CDK14: variants seen among roughly 807,000 people sequenced by gnomAD.
CDK14 encodes cyclin-dependent kinase 14.
CDK14 carries 34 observed loss-of-function variants against 60.7 expected under a neutral mutation model. That is an observed-to-expected ratio of 0.56 (90% CI 0.43 to 0.75). The LOEUF (loss-of-function observed/expected upper bound fraction) is 0.75. CDK14 is among the 30% of genes least tolerant of loss of function. CDK14 has a pLI of 0.00. For synonymous variants in CDK14, 197 were observed against 203.7 expected, an observed-to-expected ratio of 0.97 and a Z score of 0.28; for missense variants, 482 against 564.1, an observed-to-expected ratio of 0.85 and a Z score of 1.47.
chr7:90,631,846 A>G (rs1800004211), intron 2 of CDK14: 1 of 152,288 alleles, frequency 6.6e-6, no homozygotes, highest in Non-Finnish European at 1.5e-5. Context: ...GGCACTGGAA[A>G]AAGGTCACTG....
intron 2 of CDK14, among the ~76,000 whole-genome samples, chr7:90,683,025 T>TA (rs1801352745): frequency 1.3e-5 from 2 of 152,158 alleles, no homozygotes; most frequent in African/African-American, 2.4e-5. Context: ...CTTTATGCTA[T>TA]TTTTTCCCCT....
intron 3 of CDK14, among the ~76,000 whole-genome samples, chr7:90,735,316 C>T (rs772144662): frequency 6.6e-5 from 10 of 152,196 alleles, no homozygotes; most frequent in Non-Finnish European, 1.3e-4. Context: ...GGCAGTCTGT[C>T]CCTTATCAGG....
chr7:91,077,503 G>A (rs1309365064), intron 11 of CDK14, among the ~76,000 whole-genome samples: 2 of 151,844 alleles, frequency 1.3e-5, no homozygotes, highest in African/African-American at 4.8e-5. Context: ...GAGTCAGGGG[G>A]CGAGGGGAGG....
At chr7:91,182,122 A>G (rs1802021009) in intron 14 of CDK14, among the ~76,000 whole-genome samples, 1 of 152,144 alleles carries the variant, frequency 6.6e-6, no homozygotes, top group African/African-American at 2.4e-5. Context: ...AATTATGGCT[A>G]ATGGATTACT....
chr7:90,787,934 C>A (rs2116957137), intron 4 of CDK14, among the ~76,000 whole-genome samples: 1 of 152,118 alleles, frequency 6.6e-6, no homozygotes, highest in East Asian at 1.9e-4. Flanking sequence ...TAGGGGGAAT[C>A]CATCTTTAGT....
chr7:91,046,033 A>C, intron 11 of CDK14, 73 bp downstream of exon 11: 1 of 975,596 alleles, frequency 1.0e-6, no homozygotes, highest in Non-Finnish European at 1.7e-6. Context: ...GTTCCCTCTC[A>C]AGCAATATAC....
chr7:91,012,300 T>C (rs1355647559), intron 10 of CDK14, among the ~76,000 whole-genome samples: 1 of 152,202 alleles, frequency 6.6e-6, no homozygotes, highest in East Asian at 1.9e-4. Flanking sequence ...CTGTGCACTA[T>C]TCCCTCAATA....
chr7:90,715,189 A>G (rs1802203896), intron 2 of CDK14, among the ~76,000 whole-genome samples: 1 of 152,076 alleles, frequency 6.6e-6, no homozygotes, highest in Admixed American at 6.6e-5. Context: ...GGTTTAGTAC[A>G]AAGAAGCCAG....
intron 2 of CDK14, chr7:90,666,208 T>A (rs1209186980): frequency 6.6e-6 from 1 of 152,260 alleles, no homozygotes; most frequent in Admixed American, 6.5e-5. Context: ...CAACGTTGCT[T>A]GGTTAACTTC....
chr7:90,993,470 TGGA>T (rs977946876), intron 10 of CDK14, among the ~76,000 whole-genome samples: 9 of 150,146 alleles, frequency 6.0e-5, no homozygotes, highest in Non-Finnish European at 1.0e-4. Context: ...AGAGGATGGG[TGGA>T]GGAGACAGTG....
At chr7:90,784,224 C>G (rs544324680) in intron 4 of CDK14, among the ~76,000 whole-genome samples, 1 of 152,076 alleles carries the variant, frequency 6.6e-6, no homozygotes, top group Non-Finnish European at 1.5e-5. Flanking sequence ...AAAAATTGTT[C>G]TCATGGAGGT....
At chr7:91,174,675 G>A (rs1176025168) in intron 14 of CDK14, among the ~76,000 whole-genome samples, 2 of 132,016 alleles carry the variant, frequency 1.5e-5, no homozygotes, top group Non-Finnish European at 3.2e-5. Context: ...AGCCTCAGGA[G>A]CCGATGCGAT....
At chr7:90,958,276 T>C (rs1794493029) in intron 9 of CDK14, among the ~76,000 whole-genome samples, 1 of 152,132 alleles carries the variant, frequency 6.6e-6, no homozygotes, top group Non-Finnish European at 1.5e-5. Flanking sequence ...GTAAAGCCAC[T>C]GAGGATACCT....
At chr7:90,961,539 T>TA (rs1334103150) in intron 9 of CDK14, among the ~76,000 whole-genome samples, 4 of 152,220 alleles carry the variant, frequency 2.6e-5, no homozygotes, top group African/African-American at 9.7e-5. Context: ...GTTGATGAGT[T>TA]ATGTTGAATC....
At chr7:90,815,010 T>C (rs1018677169) in intron 5 of CDK14, among the ~76,000 whole-genome samples, 1 of 152,240 alleles carries the variant, frequency 6.6e-6, no homozygotes, top group Non-Finnish European at 1.5e-5. Context: ...CTGGCTTTCA[T>C]AGAAACAATC....
chr7:90,596,716 T>C lies in CDK14; in HGVS notation c.89T>C (p.Ile30Thr). The C allele has an allele frequency of 6.2e-7, 1 of 1,610,140 alleles. No individual in the cohort carries two copies. The highest frequency in any genetic ancestry group is 1.7e-5 in the Admixed American group (1 of 59,958). Residue 30 changes from isoleucine (I) to threonine (T), a missense_variant and splice_region_variant, in exon 1 of 15, where the codon ATT becomes ACT. Ile to Thr is a moderately conservative substitution (Grantham distance 89). Coordinates refer to ENST00000380050, the MANE Select transcript of CDK14 (RefSeq NM_001287135.2). ...RRTLSESFSR[I>T]ALKKDDTTFD... The stretch of plus-strand genomic sequence containing the variant: ...ACTTTGTCGGAGAGTTTCAGTCGCA[T>C]TGGTGAGTAGCGCGCTGCCCCCGGC...
intron 2 of CDK14, among the ~76,000 whole-genome samples, chr7:90,715,317 T>C (rs1802209172): frequency 6.6e-6 from 1 of 152,052 alleles, no homozygotes; most frequent in South Asian, 2.1e-4. Context: ...TGTTTAAAAA[T>C]ACCCCTCAAA....
chr7:91,088,906 G>T (rs1432188678), intron 12 of CDK14, among the ~76,000 whole-genome samples: 1 of 151,636 alleles, frequency 6.6e-6, no homozygotes, highest in East Asian at 2.0e-4. Context: ...ATCCTTTAGT[G>T]ACTAAACCAA....
intron 2 of CDK14, among the ~76,000 whole-genome samples, chr7:90,681,648 AAAAT>A (rs1801319890): frequency 6.6e-6 from 1 of 152,180 alleles, no homozygotes. Context: ...TTTCTATGAA[AAAAT>A]AAAGTAATTG....
Sources: gnomAD v4.1 joint callset for allele counts (sites outside exome capture counted in the v4.1 genomes callset) on GRCh38, gnomAD v4.1.1 for gene constraint, MANE v1.5 for transcripts, NCBI Gene and HGNC (gene_info 2026-07-23, HGNC 2026-07-21) for gene names.